LRMDA: variants seen among roughly 807,000 people sequenced by gnomAD.
LRMDA encodes leucine rich melanocyte differentiation associated.
In LRMDA, 18 loss-of-function variants were observed where a neutral mutation model predicts 29.8. The ratio of observed to expected loss-of-function variants is 0.60; its 90% CI spans 0.42 to 0.90. The LOEUF is 0.90. Among genes scored for constraint, LRMDA ranks in the 40% least tolerant of loss-of-function variants. The pLI is 0.00. For synonymous variants in LRMDA, 125 were observed against 109.4 expected (o/e 1.14, Z -0.89); for missense variants, 273 against 273.9 (o/e 1.00, Z 0.02).
chr10:76,063,625 A>G (rs1286004901), intron 5 of LRMDA, among the ~76,000 whole-genome samples: 3 of 151,956 alleles, frequency 2.0e-5, no homozygotes, highest in African/African-American at 7.3e-5. Flanking sequence ...AGGGAGGGAG[A>G]TGCCCTGTGT....
intron 2 of LRMDA, among the ~76,000 whole-genome samples, chr10:75,785,193 G>A (rs548088705): frequency 1.3e-5 from 2 of 152,320 alleles, no homozygotes; most frequent in South Asian, 2.1e-4. Context: ...CTGATTGGTT[G>A]TATGTGAGCT....
intron 2 of LRMDA, among the ~76,000 whole-genome samples, chr10:75,851,592 G>A (rs1564586224): frequency 6.6e-6 from 1 of 152,150 alleles, no homozygotes; most frequent in Non-Finnish European, 1.5e-5. Context: ...AAATAATGCA[G>A]TGAACCCTAA....
At chr10:76,145,511 G>A (rs968053226) in intron 5 of LRMDA, among the ~76,000 whole-genome samples, 1 of 152,054 alleles carries the variant, frequency 6.6e-6, no homozygotes, top group African/African-American at 2.4e-5. Flanking sequence ...ATAGTAGTTT[G>A]TATTTCTGTG....
intron 2 of LRMDA, among the ~76,000 whole-genome samples, chr10:75,776,101 A>G (rs995114366): frequency 2.6e-5 from 4 of 152,262 alleles, no homozygotes; most frequent in African/African-American, 9.6e-5. Context: ...GAAGCAGAGA[A>G]GAAGCTATTT....
At position 75,720,371 on chromosome 10, in the gene LRMDA, T is replaced by C. The variant is rs561520938; in HGVS notation, c.131+281877T>C. 2.0e-5 allele frequency among the ~76,000 whole-genome samples: 3 copies of C among 152,302 alleles called. No homozygotes were observed. In the South Asian group the frequency reaches 6.2e-4, roughly 32 times the overall value. On this transcript the variant is annotated intron_variant, in intron 2 of 6. Coordinates refer to ENST00000611255, the MANE Select transcript of LRMDA (RefSeq NM_001305581.2). ...CTTATGTGAGTCACTTAACAACATA[T>C]CGTGATTCTTCCATCTATGAAATAA...
At chr10:75,629,340 T>C (rs1191808972) in intron 2 of LRMDA, among the ~76,000 whole-genome samples, 1 of 152,218 alleles carries the variant, frequency 6.6e-6, no homozygotes, top group African/African-American at 2.4e-5. Context: ...TCTTTTCTTT[T>C]TTCTTTCTCT....
intron 5 of LRMDA, among the ~76,000 whole-genome samples, chr10:76,320,215 A>G (rs1390136375): frequency 6.6e-6 from 1 of 152,212 alleles, no homozygotes; most frequent in Admixed American, 6.5e-5. Context: ...TGGATATTGC[A>G]GAGTGCAGTA....
rs561504332 is a variant in LRMDA, at chr10:75,605,302, A to T, written c.131+166808A>T. ...GGTTGGATTTTTGATAGCTCAGATG[A>T]TAGGAGCTGTTTGAATATAGAAGAC... On this transcript the variant is annotated intron_variant, in intron 2 of 6. Coordinates refer to ENST00000611255, the MANE Select transcript of LRMDA (RefSeq NM_001305581.2). Among the ~76,000 whole-genome samples, 12 of 152,270 alleles carry T rather than the reference A, an allele frequency of 7.9e-5. No homozygotes were observed. In the South Asian group the frequency reaches 1.9e-3, roughly 24 times the overall value.
At chr10:76,097,618 T>C (rs886079553) in intron 5 of LRMDA, among the ~76,000 whole-genome samples, 4 of 152,198 alleles carry the variant, frequency 2.6e-5, no homozygotes, top group African/African-American at 9.6e-5. Context: ...GCTGAAAGTT[T>C]TTATCATTAA....
intron 2 of LRMDA, among the ~76,000 whole-genome samples, chr10:76,031,883 G>T (rs969118129): frequency 6.6e-6 from 1 of 152,156 alleles, no homozygotes; most frequent in Non-Finnish European, 1.5e-5. Context: ...TTGTTTTAGG[G>T]TCTGTGGTCA....
chr10:76,051,711 G>T (rs1472857650), intron 4 of LRMDA, among the ~76,000 whole-genome samples: 2 of 152,252 alleles, frequency 1.3e-5, no homozygotes, highest in South Asian at 4.1e-4. Context: ...ACATCATTTG[G>T]CCCATCCCCT....
At chr10:75,977,224 G>A (rs922588300) in intron 2 of LRMDA, among the ~76,000 whole-genome samples, 1 of 150,972 alleles carries the variant, frequency 6.6e-6, no homozygotes, top group Non-Finnish European at 1.5e-5. Flanking sequence ...TTTATTAAAT[G>A]AGTTATAAAT....
At chr10:76,077,991 CATTTT>C (rs1848986260) in intron 5 of LRMDA, among the ~76,000 whole-genome samples, 11 of 83,462 alleles carry the variant, frequency 1.3e-4, no homozygotes, top group African/African-American at 3.2e-4. Context: ...GCAATATTAA[CATTTT>C]TTTTTTTTTT....
At chr10:76,321,816 G>A (rs527389719) in intron 5 of LRMDA, among the ~76,000 whole-genome samples, 1 of 151,998 alleles carries the variant, frequency 6.6e-6, no homozygotes. Flanking sequence ...ATGATGGCAC[G>A]TGCCTGTAAT....
At chr10:76,475,701 C>G (rs1027633556) in intron 6 of LRMDA, among the ~76,000 whole-genome samples, 8 of 152,128 alleles carry the variant, frequency 5.3e-5, no homozygotes, top group Admixed American at 2.0e-4. Context: ...CAACCTGTCT[C>G]TCAGACCACA....
intron 2 of LRMDA, among the ~76,000 whole-genome samples, chr10:75,872,114 G>T (rs59994786): frequency 2.3e-3 from 349 of 152,034 alleles, no homozygotes; most frequent in African/African-American, 7.7e-3. Context: ...GTTTTTTTAC[G>T]TGTCTTAACT....
chr10:76,396,095 A>T (rs916431128), intron 6 of LRMDA, among the ~76,000 whole-genome samples: 1 of 152,156 alleles, frequency 6.6e-6, no homozygotes, highest in East Asian at 1.9e-4. Context: ...CCCTGAACCT[A>T]TGGGCATGTT....
At chr10:75,544,389 G>A (rs1487065173) in intron 2 of LRMDA, among the ~76,000 whole-genome samples, 1 of 152,152 alleles carries the variant, frequency 6.6e-6, no homozygotes, top group Non-Finnish European at 1.5e-5. Flanking sequence ...AAAATGAAAA[G>A]GATTATTTTG....
At chr10:75,786,223 T>C (rs1843470553) in intron 2 of LRMDA, among the ~76,000 whole-genome samples, 1 of 152,210 alleles carries the variant, frequency 6.6e-6, no homozygotes, top group South Asian at 2.1e-4. Flanking sequence ...TTTGGGGCGG[T>C]ATGAAAAGTG....
Sources: gnomAD v4.1 joint callset for allele counts (sites outside exome capture counted in the v4.1 genomes callset) on GRCh38, gnomAD v4.1.1 for gene constraint, MANE v1.5 for transcripts, NCBI Gene and HGNC (gene_info 2026-07-23, HGNC 2026-07-21) for gene names.